Variants in TPO observed in about 807,000 individuals in gnomAD.
TPO encodes the protein thyroid peroxidase.
In TPO, 78 loss-of-function variants were observed where a neutral mutation model predicts 96.9. That is an observed-to-expected ratio of 0.81 (90% confidence interval 0.67 to 0.97). The LOEUF is 0.97. TPO is among the 50% of genes least tolerant of loss of function. The probability of loss-of-function intolerance (pLI) is 0.00; values close to 1 mark genes in which losing one functional copy is unlikely to be tolerated. For synonymous variants in TPO, 547 were observed against 538.0 expected, an observed-to-expected ratio of 1.02 and a Z score of -0.23; for missense variants, 1,252 against 1,274.8, an observed-to-expected ratio of 0.98 and a Z score of 0.27.
At chr2:1,383,441 C>A (rs1661840386) in intron 1 of TPO, among the ~76,000 whole-genome samples, 2 of 152,320 alleles carry the variant, frequency 1.3e-5, no homozygotes, top group Non-Finnish European at 2.9e-5. Context: ...GATGATATCT[C>A]ATTGTGGTTT....
intron 10 of TPO, among the ~76,000 whole-genome samples, chr2:1,491,863 T>TA (rs1368460679): frequency 6.6e-6 from 1 of 152,222 alleles, no homozygotes; most frequent in East Asian, 1.9e-4. Flanking sequence ...AGGGCTGGGA[T>TA]GGCCCATCTG....
At chr2:1,393,544 T>C (rs145009460) in intron 1 of TPO, among the ~76,000 whole-genome samples, 95 of 152,326 alleles carry the variant, frequency 6.2e-4, no homozygotes, top group Admixed American at 1.4e-3. Context: ...GTGAACCTGC[T>C]GATATCAAGC....
chr2:1,401,445 A>G (rs1037100776), intron 1 of TPO, among the ~76,000 whole-genome samples: 18 of 152,172 alleles, frequency 1.2e-4, no homozygotes, highest in African/African-American at 4.3e-4. Flanking sequence ...TTTTCTGTTT[A>G]CAATGGGCTT....
In TPO at chr2:1,477,503, G is replaced by C. The variant is rs1165127501; in HGVS notation, c.1237G>C (p.Glu413Gln). 5.2e-6 allele frequency: 8 copies of C among 1,531,720 alleles called. No individual in the cohort carries two copies. In the East Asian group the frequency reaches 1.7e-4, roughly 33 times the overall value. 94.9% of individuals were successfully genotyped at this position (1,531,720 alleles called of 1,614,324 possible). ...GGCACTGCACACGCTGTGGCTGCGC[G>C]AGCACAACCGCCTGGCCGCGGCGCT... ...LTALHTLWLR[E>Q]HNRLAAALKA... The change falls in exon 8 of 17, where the codon GAG (glutamate) becomes CAG (glutamine). Residue 413 changes from glutamate (E) to glutamine (Q), a missense_variant. Physicochemically the swap from Glu to Gln is conservative, Grantham distance 29. Coordinates refer to ENST00000329066, the MANE Select transcript of TPO (RefSeq NM_001206744.2).
upstream of TPO, among the ~76,000 whole-genome samples, chr2:1,413,264 A>C (rs1275928661): frequency 6.6e-6 from 1 of 152,150 alleles, no homozygotes; most frequent in Non-Finnish European, 1.5e-5. Context: ...ATTCGGCCAG[A>C]GGCTGGACTG....
chr2:1,526,095 G>A (rs1481180062), intron 15 of TPO, among the ~76,000 whole-genome samples: 4 of 74,398 alleles, frequency 5.4e-5, no homozygotes, highest in South Asian at 1.0e-3. Flanking sequence ...CCCACTGTGC[G>A]CAACCTCCCC....
At chr2:1,512,580 C>T (rs557461723) in intron 14 of TPO, 72 of 727,232 alleles carry the variant, frequency 9.9e-5, no homozygotes, top group South Asian at 7.4e-4. Flanking sequence ...AGTCAGGGTC[C>T]GCCGCAGAAC....
intron 14 of TPO, chr2:1,512,290 G>C: frequency 1.8e-6 from 1 of 560,362 alleles, no homozygotes; most frequent in Non-Finnish European, 2.3e-6. Context: ...TTCTATAAAC[G>C]CTGAAGCCAA....
chr2:1,525,985 C>G (rs1411831906), intron 15 of TPO, among the ~76,000 whole-genome samples: 1 of 131,048 alleles, frequency 7.6e-6, no homozygotes, highest in Non-Finnish European at 1.6e-5. Context: ...CCACTGTGAG[C>G]AACCTCCCCA....
chr2:1,526,235 C>T (rs1309605769), intron 15 of TPO, among the ~76,000 whole-genome samples: 1 of 82,604 alleles, frequency 1.2e-5, no homozygotes, highest in Admixed American at 1.4e-4. Flanking sequence ...ATGTGTGCAA[C>T]ACCCCCAAGT....
At chr2:1,448,969 G>A (rs1360716122) in intron 5 of TPO, among the ~76,000 whole-genome samples, 1 of 152,130 alleles carries the variant, frequency 6.6e-6, no homozygotes, top group Non-Finnish European at 1.5e-5. Context: ...ACGTGGCATG[G>A]ACATTGTGAG....
intron 10 of TPO, among the ~76,000 whole-genome samples, chr2:1,490,076 A>G (rs1391646179): frequency 5.0e-4 from 35 of 70,132 alleles, no homozygotes; most frequent in African/African-American, 2.0e-3. Flanking sequence ...CGAGGGTCCC[A>G]CACAGGGGGA....
chr2:1,390,600 G>A (rs915104405), intron 1 of TPO, among the ~76,000 whole-genome samples: 8 of 152,136 alleles, frequency 5.3e-5, no homozygotes, highest in African/African-American at 1.9e-4. Context: ...TTGAGGGATC[G>A]CCACACTGTC....
intron 15 of TPO, among the ~76,000 whole-genome samples, chr2:1,520,821 C>T (rs992077988): frequency 6.6e-6 from 1 of 152,196 alleles, no homozygotes; most frequent in African/African-American, 2.4e-5. Flanking sequence ...GACCTTTCGC[C>T]ATGGAGGTGT....
chr2:1,506,928 C>A (rs1300927834), intron 14 of TPO, among the ~76,000 whole-genome samples: 1 of 151,956 alleles, frequency 6.6e-6, no homozygotes, highest in Non-Finnish European at 1.5e-5. Context: ...GTTGCCATTG[C>A]TTTTGGTGTT....
At chr2:1,459,091 T>C (rs973435407) in intron 7 of TPO, among the ~76,000 whole-genome samples, 8 of 152,036 alleles carry the variant, frequency 5.3e-5, no homozygotes, top group Non-Finnish European at 1.2e-4. Flanking sequence ...AAAGAGACAA[T>C]ATAGGTAGAT....
At position 1,542,701 on chromosome 2, in the gene TPO, T is replaced by G. The variant is rs939001388; in HGVS notation, c.*227T>G. The stretch of plus-strand genomic sequence containing the variant: ...TGCCTGATTTGTTCCTTCTGGGGCT[T>G]TGCCATTAAAATGTATTTACAGATT... On this transcript the variant is annotated 3_prime_UTR_variant, in exon 17 of 17. Transcript: ENST00000329066. 14 of 1,342,220 alleles carry G rather than the reference T, an allele frequency of 1.0e-5. No homozygotes were observed. The highest frequency in any genetic ancestry group is 1.4e-5 in the Non-Finnish European group (14 of 983,890). The allele number at this position is 1,342,220 out of a possible 1,614,324, so 83.1% of individuals were successfully genotyped here.
intron 9 of TPO, 131 bp downstream of exon 9, chr2:1,484,985 G>T: frequency 1.4e-6 from 2 of 1,414,000 alleles, no homozygotes; most frequent in Non-Finnish European, 1.9e-6. Context: ...GTATACATGT[G>T]CCATGTTGGT....
At chr2:1,453,264 C>A (rs1287196610) in intron 5 of TPO, among the ~76,000 whole-genome samples, 1 of 152,240 alleles carries the variant, frequency 6.6e-6, no homozygotes, top group Non-Finnish European at 1.5e-5. Flanking sequence ...GCGCGACACC[C>A]TGGTGGCTTC....
Sources: gnomAD v4.1 joint callset for allele counts (sites outside exome capture counted in the v4.1 genomes callset) on GRCh38, gnomAD v4.1.1 for gene constraint, MANE v1.5 for transcripts, NCBI Gene and HGNC (gene_info 2026-07-23, HGNC 2026-07-21) for gene names.